The following NPAS3 variants were observed in gnomAD, a reference collection of about 807,000 sequenced individuals.
NPAS3 encodes the protein neuronal PAS domain-containing protein 3.
In NPAS3, 14 loss-of-function variants were observed where a neutral mutation model predicts 73.1. The observed-to-expected ratio is 0.19, with a 90% confidence interval of 0.13 to 0.30. The LOEUF (loss-of-function observed/expected upper bound fraction) is 0.30. NPAS3 is among the 10% of genes least tolerant of loss of function. The probability of loss-of-function intolerance (pLI) is 1.00; values close to 1 mark genes in which losing one functional copy is unlikely to be tolerated. For missense variants in NPAS3, 1,096 were observed against 1,250.0 expected, an observed-to-expected ratio of 0.88 and a Z score of 1.86; for synonymous variants, 620 against 541.5, an observed-to-expected ratio of 1.14 and a Z score of -2.01.
intron 4 of NPAS3, among the ~76,000 whole-genome samples, chr14:33,391,885 G>A (rs1594821954): frequency 1.3e-5 from 2 of 152,258 alleles, no homozygotes; most frequent in Admixed American, 6.5e-5. Flanking sequence ...TCTAACATAC[G>A]ATGATTTAAA....
chr14:33,020,711 C>T (rs1463993932), intron 1 of NPAS3, among the ~76,000 whole-genome samples: 1 of 152,050 alleles, frequency 6.6e-6, no homozygotes, highest in East Asian at 1.9e-4. Context: ...ATTGGTCTGC[C>T]TAAAGCTGTT....
chr14:33,661,595 C>T (rs1470339472), intron 5 of NPAS3, among the ~76,000 whole-genome samples: 4 of 152,100 alleles, frequency 2.6e-5, no homozygotes, highest in African/African-American at 7.2e-5. Context: ...CTGAATTGCC[C>T]AGAATAGGAA....
At chr14:33,231,693 G>A (rs1314370147) in intron 3 of NPAS3, among the ~76,000 whole-genome samples, 1 of 152,080 alleles carries the variant, frequency 6.6e-6, no homozygotes, top group African/African-American at 2.4e-5. Flanking sequence ...CTCATGAGAT[G>A]AGCATCATTT....
At chr14:33,660,305 A>G (rs909443177) in intron 5 of NPAS3, among the ~76,000 whole-genome samples, 1 of 152,162 alleles carries the variant, frequency 6.6e-6, no homozygotes, top group Non-Finnish European at 1.5e-5. Context: ...AGCCATCTCC[A>G]TCAGTTCCTT....
At chr14:33,508,203 T>C (rs1297437736) in intron 4 of NPAS3, among the ~76,000 whole-genome samples, 4 of 152,084 alleles carry the variant, frequency 2.6e-5, no homozygotes, top group Non-Finnish European at 5.9e-5. Context: ...GAATAAAATT[T>C]ACAAGCAGTT....
chr14:33,475,417 G>T (rs565771223), intron 4 of NPAS3, among the ~76,000 whole-genome samples: 2 of 152,112 alleles, frequency 1.3e-5, no homozygotes, highest in South Asian at 4.2e-4. Context: ...TCATAGGTCT[G>T]ATTTTGTCAT....
chr14:33,572,103 T>C (rs1455099816), intron 5 of NPAS3, among the ~76,000 whole-genome samples: 1 of 152,084 alleles, frequency 6.6e-6, no homozygotes, highest in African/African-American at 2.4e-5. Context: ...TCCCAAACCT[T>C]TCATAGGGTG....
At chr14:33,754,448 G>A (rs980613362) in intron 7 of NPAS3, among the ~76,000 whole-genome samples, 8 of 152,178 alleles carry the variant, frequency 5.3e-5, no homozygotes, top group African/African-American at 1.9e-4. Flanking sequence ...TCTCCTCTCT[G>A]ACCTCATGTT....
intron 4 of NPAS3, among the ~76,000 whole-genome samples, chr14:33,542,332 G>A (rs561982440): frequency 1.1e-4 from 16 of 152,028 alleles, no homozygotes; most frequent in East Asian, 5.8e-4. Flanking sequence ...TTTTGTCCTC[G>A]AGAGTCCTCA....
chr14:33,122,791 CAG>C (rs1244958022), intron 2 of NPAS3, among the ~76,000 whole-genome samples: 24 of 151,976 alleles, frequency 1.6e-4, no homozygotes, highest in African/African-American at 9.7e-5. Context: ...GCAGGAGAAA[CAG>C]AGACTGAGGG....
At chr14:33,559,471 C>T (rs1209036130) in intron 4 of NPAS3, among the ~76,000 whole-genome samples, 2 of 152,112 alleles carry the variant, frequency 1.3e-5, no homozygotes, top group Admixed American at 6.5e-5. Flanking sequence ...TCCTGTTCAA[C>T]TATTTAATGG....
At chr14:33,725,545 C>T (rs2061241127) in intron 6 of NPAS3, among the ~76,000 whole-genome samples, 1 of 152,034 alleles carries the variant, frequency 6.6e-6, no homozygotes, top group African/African-American at 2.4e-5. Context: ...TTTTTTAAAG[C>T]AGTAAACAAT....
At chr14:33,412,094 T>G (rs1320176859) in intron 4 of NPAS3, among the ~76,000 whole-genome samples, 1 of 152,124 alleles carries the variant, frequency 6.6e-6, no homozygotes, top group Non-Finnish European at 1.5e-5. Context: ...ATTTATGTTT[T>G]TTACCTAACA....
At chr14:33,317,296 G>A (rs1212299703) in intron 3 of NPAS3, among the ~76,000 whole-genome samples, 3 of 152,052 alleles carry the variant, frequency 2.0e-5, no homozygotes, top group Non-Finnish European at 2.9e-5. Flanking sequence ...ACTATACTGA[G>A]TGCTTTCGTG....
intron 1 of NPAS3, among the ~76,000 whole-genome samples, chr14:32,999,710 A>G (rs552080048): frequency 1.4e-3 from 211 of 152,262 alleles, no homozygotes; most frequent in African/African-American, 4.9e-3. Flanking sequence ...TCCAAAAATT[A>G]TATATAGCCC....
intron 3 of NPAS3, among the ~76,000 whole-genome samples, chr14:33,292,567 A>G (rs1389219263): frequency 6.6e-6 from 1 of 152,172 alleles, no homozygotes; most frequent in African/African-American, 2.4e-5. Context: ...CAGAAAAAAA[A>G]TTTACAGAAG....
chr14:33,680,455 G>C, intron 6 of NPAS3: 1 of 616,076 alleles, frequency 1.6e-6, no homozygotes, highest in Non-Finnish European at 2.9e-6. Flanking sequence ...TTTAGTTTCT[G>C]TTCCTGTTCC....
At chr14:33,717,419 A>T (rs2060987674) in intron 6 of NPAS3, among the ~76,000 whole-genome samples, 1 of 152,112 alleles carries the variant, frequency 6.6e-6, no homozygotes, top group Non-Finnish European at 1.5e-5. Flanking sequence ...TGTTCAGAGC[A>T]GGGTGAAAGT....
At chr14:33,311,848 A>G (rs2043016297) in intron 3 of NPAS3, among the ~76,000 whole-genome samples, 1 of 152,178 alleles carries the variant, frequency 6.6e-6, no homozygotes, top group Admixed American at 6.6e-5. Context: ...AATCTTTGAG[A>G]TGAATCTTGA....
Sources: allele counts gnomAD v4.1 joint callset (sites outside exome capture counted in the v4.1 genomes callset), GRCh38; gene constraint gnomAD v4.1.1; transcripts MANE v1.5; gene names NCBI Gene and HGNC (gene_info 2026-07-23, HGNC 2026-07-21).